RBFOX1: variants seen among roughly 807,000 people sequenced by gnomAD.
The protein encoded by RBFOX1 is RNA binding protein fox-1 homolog 1.
Under a neutral mutation model 57.7 loss-of-function variants are expected in RBFOX1, and 8 were observed. The observed-to-expected ratio is 0.14, with a 90% CI of 0.08 to 0.25. The LOEUF is 0.25. Among genes scored for constraint, RBFOX1 ranks in the 10% least tolerant of loss-of-function variants. The probability of loss-of-function intolerance (pLI) is 1.00; values close to 1 mark genes in which losing one functional copy is unlikely to be tolerated. For missense variants in RBFOX1, 611 were observed against 548.5 expected, an observed-to-expected ratio of 1.11 and a Z score of -1.14; for synonymous variants, 326 against 222.4, an observed-to-expected ratio of 1.47 and a Z score of -4.15.
At chr16:7,590,195 A>G (rs1361667992) in intron 7 of RBFOX1, among the ~76,000 whole-genome samples, 1 of 151,574 alleles carries the variant, frequency 6.6e-6, no homozygotes, top group Non-Finnish European at 1.5e-5. Flanking sequence ...TGATCCCAGG[A>G]GGTCAAGGCT....
Position 6,971,815 on chromosome 16 carries a change from G to A in RBFOX1, c.-15-80242G>A, listed in dbSNP as rs188833893. On this transcript the variant is annotated intron_variant, in intron 3 of 15. Transcript: ENST00000550418. Reference sequence around the variant, plus strand: ...TTGGGTGTGGAGGGCGAGGGAAATAGGATTCAAGGCTAAGAGCAGAGAAGT... The same window carrying A: ...TTGGGTGTGGAGGGCGAGGGAAATAAGATTCAAGGCTAAGAGCAGAGAAGT... Among the ~76,000 whole-genome samples the A allele has an allele frequency of 2.4e-3, 372 of 152,174 alleles. 1 individual carries two copies. Among genetic ancestry groups the A allele is most frequent in the Admixed American group, 3.9e-3 (59 of 15,272 alleles).
intron 3 of RBFOX1, among the ~76,000 whole-genome samples, chr16:5,794,532 T>G (rs560743203): frequency 6.6e-6 from 1 of 151,448 alleles, no homozygotes; most frequent in Admixed American, 6.6e-5. Context: ...GTGTGTGTGG[T>G]GTGTGCAGCC....
intron 9 of RBFOX1, among the ~76,000 whole-genome samples, chr16:7,603,217 T>C (rs2095130093): frequency 6.6e-6 from 1 of 152,214 alleles, no homozygotes; most frequent in African/African-American, 2.4e-5. Context: ...TCCTTGAAGA[T>C]TGGAAGGAGA....
intron 3 of RBFOX1, among the ~76,000 whole-genome samples, chr16:5,665,822 G>C (rs2049825351): frequency 6.6e-6 from 1 of 152,324 alleles, no homozygotes; most frequent in East Asian, 1.9e-4. Flanking sequence ...ACGTGCTGCT[G>C]AGTGGGAGCA....
intron 2 of RBFOX1, among the ~76,000 whole-genome samples, chr16:6,429,619 T>C (rs2153001985): frequency 6.6e-6 from 1 of 152,192 alleles, no homozygotes; most frequent in South Asian, 2.1e-4. Flanking sequence ...GTGTCAAGGG[T>C]GGGGCCAGGT....
Position 6,750,658 on chromosome 16 carries a change from G to T in RBFOX1, c.-16+96008G>T, listed in dbSNP as rs186266844. 9.9e-4 allele frequency among the ~76,000 whole-genome samples: 151 copies of T among 152,258 alleles called. 1 individual carries two copies. The highest frequency in any genetic ancestry group is 3.5e-3 in the African/African-American group (145 of 41,556). ...GTTTAAAACACCTGCAATTATGCTG[G>T]GACAGGGGTGTTCATTGATTCATTC... is the stretch of plus-strand genomic sequence containing the variant. On this transcript the variant is annotated intron_variant, in intron 3 of 15. Transcript: ENST00000550418.
chr16:7,352,863 A>G (rs1267145921), intron 4 of RBFOX1, among the ~76,000 whole-genome samples: 1 of 152,060 alleles, frequency 6.6e-6, no homozygotes, highest in Non-Finnish European at 1.5e-5. Context: ...CTACAGGAGC[A>G]TGCCACCATG....
intron 3 of RBFOX1, among the ~76,000 whole-genome samples, chr16:5,646,696 G>T (rs184914778): frequency 5.3e-5 from 8 of 151,966 alleles, no homozygotes. Flanking sequence ...GTGCTTTGGC[G>T]TGATCTCTGC....
chr16:6,075,533 C>G (rs947829597), intron 1 of RBFOX1, among the ~76,000 whole-genome samples: 2 of 152,144 alleles, frequency 1.3e-5, no homozygotes, highest in African/African-American at 4.8e-5. Context: ...TCTGTTGTTT[C>G]TGAGATGTGA....
At chr16:6,322,583 G>T (rs536023463) in intron 2 of RBFOX1, among the ~76,000 whole-genome samples, 1 of 152,100 alleles carries the variant, frequency 6.6e-6, no homozygotes, top group Admixed American at 6.5e-5. Context: ...AATTTTCAAC[G>T]TAGGAAGTTG....
At chr16:5,255,330 A>ATCCATCCATCCC (rs1567240379) in intron 1 of RBFOX1, among the ~76,000 whole-genome samples, 39 of 118,668 alleles carry the variant, frequency 3.3e-4, no homozygotes, top group Non-Finnish European at 1.8e-5. Flanking sequence ...CCTTCCATCC[A>ATCCATCCATCCC]TCCATCCATC....
At chr16:7,703,690 C>G (rs867110860) in intron 14 of RBFOX1, among the ~76,000 whole-genome samples, 2 of 152,144 alleles carry the variant, frequency 1.3e-5, no homozygotes, top group African/African-American at 2.4e-5. Flanking sequence ...GCTAACGTGT[C>G]TCAGTAGAGT....
At chr16:7,161,095 G>A (rs1215397817) in intron 4 of RBFOX1, among the ~76,000 whole-genome samples, 2 of 151,562 alleles carry the variant, frequency 1.3e-5, no homozygotes, top group African/African-American at 2.4e-5. Flanking sequence ...TTTGCAGAGT[G>A]TATTTAGTGT....
chr16:7,674,187 G>A (rs1164974149), intron 13 of RBFOX1, among the ~76,000 whole-genome samples: 1 of 152,146 alleles, frequency 6.6e-6, no homozygotes. Context: ...GGAAGACCAT[G>A]CAGTAAAGAT....
chr16:6,091,176 C>T (rs2096167170), intron 1 of RBFOX1, among the ~76,000 whole-genome samples: 1 of 152,142 alleles, frequency 6.6e-6, no homozygotes, highest in Non-Finnish European at 1.5e-5. Context: ...TGTAGGTTTG[C>T]ACCCATTAAC....
At chr16:6,739,266 C>G (rs138677849) in intron 3 of RBFOX1, among the ~76,000 whole-genome samples, 166 of 151,670 alleles carry the variant, frequency 1.1e-3, no homozygotes, top group African/African-American at 3.6e-3. Flanking sequence ...GAATAATTAC[C>G]CATATCAGGA....
intron 3 of RBFOX1, among the ~76,000 whole-genome samples, chr16:6,948,919 A>G (rs1466344569): frequency 6.6e-6 from 1 of 151,956 alleles, no homozygotes; most frequent in South Asian, 2.1e-4. Context: ...AGGAAGGGAG[A>G]GTGGGTTATA....
chr16:5,820,719 T>A (rs1424786742), intron 3 of RBFOX1, among the ~76,000 whole-genome samples: 1 of 152,134 alleles, frequency 6.6e-6, no homozygotes, highest in Admixed American at 6.5e-5. Context: ...TCCAGCAGCG[T>A]CCTGAGTGAC....
chr16:6,418,309 C>G (rs188762256), intron 2 of RBFOX1, among the ~76,000 whole-genome samples: 1 of 152,082 alleles, frequency 6.6e-6, no homozygotes, highest in African/African-American at 2.4e-5. Flanking sequence ...TAGAACCATT[C>G]TCATTATAGT....
Sources: allele counts gnomAD v4.1 joint callset (sites outside exome capture counted in the v4.1 genomes callset), GRCh38; gene constraint gnomAD v4.1.1; transcripts MANE v1.5; gene names NCBI Gene and HGNC (gene_info 2026-07-23, HGNC 2026-07-21).